SLC36A1: variants seen among roughly 807,000 people sequenced by gnomAD.
SLC36A1 encodes the protein proton-coupled amino acid transporter 1.
Under a neutral mutation model 47.5 loss-of-function variants are expected in SLC36A1, and 30 were observed. The ratio of observed to expected loss-of-function variants is 0.63; its 90% CI spans 0.47 to 0.86. The LOEUF is 0.86. Among genes scored for constraint, SLC36A1 ranks in the 40% least tolerant of loss-of-function variants. The pLI is 0.00. For synonymous variants in SLC36A1, 255 were observed against 249.7 expected (o/e 1.02, Z -0.20); for missense variants, 517 against 606.0 (o/e 0.85, Z 1.54).
chr5:151,476,731 A>G lies in SLC36A1; in HGVS notation c.964A>G (p.Ile322Val). Reference protein sequence around the residue: ...LQFGANIQGSITLNLPNCWLY... With the variant: ...LQFGANIQGSVTLNLPNCWLY... ...ATTTGGAGCTAATATCCAAGGCAGC[A>G]TAACCCTCAACCTGCCCAACTGCTG... Residue 322 changes from isoleucine to valine, a missense_variant, in exon 9 of 11, where the codon ATA becomes GTA. Transcript: ENST00000243389. 6.2e-7 allele frequency: 1 copy of G among 1,612,224 alleles called. No homozygotes were observed.
chr5:151,446,323 G>A (rs928631330), upstream of SLC36A1, among the ~76,000 whole-genome samples: 1 of 152,202 alleles, frequency 6.6e-6, no homozygotes, highest in Non-Finnish European at 1.5e-5. Flanking sequence ...CCTGAGGTCA[G>A]GAGTTTGAGA....
the SLC36A1 span, among the ~76,000 whole-genome samples, chr5:151,518,857 C>T: frequency 1.3e-5 from 2 of 152,190 alleles, no homozygotes; most frequent in Admixed American, 1.3e-4. Flanking sequence ...AAAATATCCA[C>T]CCTCCCCAGA....
downstream of SLC36A1, among the ~76,000 whole-genome samples, chr5:151,496,730 A>G (rs1760354717): frequency 6.6e-6 from 1 of 152,042 alleles, no homozygotes; most frequent in Non-Finnish European, 1.5e-5. Flanking sequence ...TGATTTTTGT[A>G]CTTTTAGTAG....
chr5:151,485,028 C>T (rs1033287538), intron 10 of SLC36A1, among the ~76,000 whole-genome samples: 7 of 152,156 alleles, frequency 4.6e-5, no homozygotes, highest in African/African-American at 1.7e-4. Flanking sequence ...AGCAGACCAG[C>T]TCTTTTGTTG....
the SLC36A1 span, among the ~76,000 whole-genome samples, chr5:151,371,916 T>G: frequency 6.6e-6 from 1 of 152,080 alleles, no homozygotes; most frequent in South Asian, 2.1e-4. Flanking sequence ...GGGAGGGAGA[T>G]TCTGCTTTTG....
chr5:151,379,448 C>T, the SLC36A1 span, among the ~76,000 whole-genome samples: 1 of 152,264 alleles, frequency 6.6e-6, no homozygotes, highest in African/African-American at 2.4e-5. Flanking sequence ...ATTCTCCTGC[C>T]TCAGCCTCCC....
At chr5:151,554,249 G>A in the SLC36A1 span, 1 of 961,802 alleles carries the variant, frequency 1.0e-6, no homozygotes, top group Non-Finnish European at 1.5e-6. Context: ...GGCCAGGAAG[G>A]AGAGTACCAT....
At chr5:151,460,131 T>A (rs922529442) in intron 2 of SLC36A1, among the ~76,000 whole-genome samples, 1 of 152,082 alleles carries the variant, frequency 6.6e-6, no homozygotes, top group African/African-American at 2.4e-5. Flanking sequence ...TCCTCCAACC[T>A]TATCAGCATT....
At chr5:151,439,100 C>T (rs948974248) in intron 1 of SLC36A1, among the ~76,000 whole-genome samples, 19 of 147,674 alleles carry the variant, frequency 1.3e-4, no homozygotes, top group Admixed American at 1.0e-3. Flanking sequence ...GAAGCAGGCA[C>T]GTCTTACATG....
the SLC36A1 span, among the ~76,000 whole-genome samples, chr5:151,400,004 T>C: frequency 6.6e-6 from 1 of 152,208 alleles, no homozygotes; most frequent in Non-Finnish European, 1.5e-5. Context: ...TTTTTATTTA[T>C]TTATTTAATT....
chr5:151,473,916 T>G, intron 8 of SLC36A1, 145 bp downstream of exon 8: 1 of 671,462 alleles, frequency 1.5e-6, no homozygotes, highest in Non-Finnish European at 2.6e-6. Flanking sequence ...TCTCAGCACT[T>G]TGGGAGGCCT....
chr5:151,365,836 T>C, the SLC36A1 span, among the ~76,000 whole-genome samples: 1 of 152,194 alleles, frequency 6.6e-6, no homozygotes, highest in Admixed American at 6.5e-5. Context: ...GCATAACGTA[T>C]GGGATGCATT....
At chr5:151,476,171 A>G (rs1357414699) in intron 8 of SLC36A1, among the ~76,000 whole-genome samples, 1 of 152,244 alleles carries the variant, frequency 6.6e-6, no homozygotes, top group Non-Finnish European at 1.5e-5. Flanking sequence ...TCCCTGACCT[A>G]TATTTTGCAT....
Position 151,467,270 on chromosome 5 carries a change from A to T in SLC36A1, c.491A>T (p.Asp164Val). 1 of 1,604,856 alleles carries T rather than the reference A, an allele frequency of 6.2e-7. No homozygotes were observed. Among genetic ancestry groups the T allele is most frequent in the Non-Finnish European group, 8.5e-7 (1 of 1,175,026 alleles). ...TGTGTCTATTTTGTGTTTCTGGCTG[A>T]CAACTTTAAACAGGTAGGCACCTGG... ...FCCVYFVFLA[D>V]NFKQVIEAAN... Residue 164 changes from aspartate (D) to valine (V), a missense_variant, in exon 6 of 11, where the codon GAC (aspartate) becomes GTC (valine). Coordinates refer to ENST00000243389, the MANE Select transcript of SLC36A1 (RefSeq NM_078483.4).
At chr5:151,365,212 G>C in the SLC36A1 span, among the ~76,000 whole-genome samples, 80,588 of 152,074 alleles carry the variant, frequency 0.53, 24,088 homozygotes, top group African/African-American at 0.82. Context: ...GAGGTCCACT[G>C]TCTCCAGCTA....
chr5:151,524,580 T>G, the SLC36A1 span, among the ~76,000 whole-genome samples: 1 of 152,230 alleles, frequency 6.6e-6, no homozygotes, highest in African/African-American at 2.4e-5. Flanking sequence ...ACCCAGCCTA[T>G]GGTGTTCTGT....
chr5:151,444,764 C>T (rs1475443262), upstream of SLC36A1, among the ~76,000 whole-genome samples: 1 of 152,230 alleles, frequency 6.6e-6, no homozygotes, highest in Non-Finnish European at 1.5e-5. Flanking sequence ...GGATTACAGG[C>T]ATGAGCCACT....
chr5:151,509,727 T>C, the SLC36A1 span: 2 of 294,216 alleles, frequency 6.8e-6, no homozygotes, highest in Non-Finnish European at 1.3e-5. Context: ...TACTTCATTA[T>C]ATATTACAAT....
At chr5:151,542,822 C>T in the SLC36A1 span, 2 of 1,614,192 alleles carry the variant, frequency 1.2e-6, no homozygotes, top group South Asian at 1.1e-5. Flanking sequence ...AGGCAATGTG[C>T]CATCACATCA....
Sources: allele counts gnomAD v4.1 joint callset (sites outside exome capture counted in the v4.1 genomes callset), GRCh38; gene constraint gnomAD v4.1.1; transcripts MANE v1.5; gene names NCBI Gene and HGNC (gene_info 2026-07-23, HGNC 2026-07-21).